ATG2A: variants seen among roughly 807,000 people sequenced by gnomAD.
ATG2A encodes autophagy-related protein 2 homolog A.
ATG2A carries 103 observed loss-of-function variants against 214.2 expected under a neutral mutation model. That is an observed-to-expected ratio of 0.48 (90% CI 0.41 to 0.57). The LOEUF is 0.57. Ranked by LOEUF, ATG2A falls within the 20% of genes least tolerant of loss-of-function variation. The pLI is 0.00. For missense variants in ATG2A, 2,312 were observed against 2,613.2 expected, an observed-to-expected ratio of 0.88 and a Z score of 2.51; for synonymous variants, 1,160 against 1,142.1, an observed-to-expected ratio of 1.02 and a Z score of -0.32.
Position 64,907,928 on chromosome 11 carries a change from T to C in ATG2A, c.2365-38A>G, listed in dbSNP as rs764754042. 5 of 1,593,270 alleles carry C rather than the reference T, an allele frequency of 3.1e-6. No homozygotes were observed. The African/African-American group carries it at 5.4e-5, about 17-fold the overall frequency. On this transcript the variant is annotated intron_variant, in intron 16 of 40. Coordinates refer to ENST00000377264, the MANE Select transcript of ATG2A (RefSeq NM_015104.3). The stretch of plus-strand genomic sequence containing the variant: ...AGGTGGAAAGAGCAGGAGAGTCATC[T>C]TAGAGACGCTGGCTGGGGCCTGTCT...
rs536998799 is a variant in ATG2A, at chr11:64,907,873, G to T, written c.2382C>A (p.Asp794Glu). ...TCTGGAACGTCCTCATCTCCTCAGG[G>T]TCTCCAGGGATCACCATCTGGACAG... ...YETEEMVIPG[D>E]PEEMRTFQSR... The change falls in exon 17 of 41, where the codon GAC becomes GAA. Residue 794 changes from aspartate (D) to glutamate (E), a missense_variant. Coordinates refer to ENST00000377264, the MANE Select transcript of ATG2A (RefSeq NM_015104.3). 6.2e-7 allele frequency: 1 copy of T among 1,612,496 alleles called. No homozygotes were observed. Among genetic ancestry groups the T allele is most frequent in the Non-Finnish European group, 8.5e-7 (1 of 1,179,786 alleles).
In ATG2A at chr11:64,895,134, C is replaced by T. The variant is rs765776372; in HGVS notation, c.5656G>A (p.Val1886Met). The T allele has an allele frequency of 3.2e-5, 51 of 1,612,948 alleles. No homozygotes were observed. Among genetic ancestry groups the T allele is most frequent in the Middle Eastern group, 3.3e-4 (2 of 6,084 alleles). The part of the protein sequence containing the change: ...GHEQKGLTGA[V>M]GGVIRQLPPT... ...GGCAGCTGGCGGATCACGCCCCCCA[C>T]GGCGCCCGTCAGCCCCTTCTGCTCA... The change falls in exon 41 of 41, where the codon GTG becomes ATG. Residue 1886 changes from valine (V) to methionine (M), a missense_variant. Physicochemically the swap from Val to Met is conservative, Grantham distance 21. Transcript: ENST00000377264. The surrounding 1 kb of genome is among the most constrained non-coding windows in gnomAD (Gnocchi z 5.0).
chr11:64,900,128 A>T (rs993616996), intron 31 of ATG2A, among the ~76,000 whole-genome samples: 3 of 151,186 alleles, frequency 2.0e-5, no homozygotes, highest in African/African-American at 4.9e-5. Flanking sequence ...GGCCTTCCAA[A>T]GTGCTGGGAT....
At position 64,895,547 on chromosome 11, in the gene ATG2A, T is replaced by C; in HGVS notation, c.5428-105A>G. 7.7e-7 allele frequency: 1 copy of C among 1,306,296 alleles called. No individual in the cohort carries two copies. Among genetic ancestry groups the C allele is most frequent in the Non-Finnish European group, 1.0e-6 (1 of 979,656 alleles). The allele number at this position is 1,306,296 out of a possible 1,614,324, so 80.9% of individuals were successfully genotyped here. On this transcript the variant is annotated intron_variant, in intron 39 of 40. Coordinates refer to ENST00000377264, the MANE Select transcript of ATG2A (RefSeq NM_015104.3). This position sits in a 1 kb window ranked among gnomAD's most constrained non-coding sequence, Gnocchi z 5.0. ...CCCACCAGCCCTCAGCCTCCCTGCC[T>C]GTCACTGTGCTGGCCTAGGGGGTCC... is the stretch of plus-strand genomic sequence containing the variant.
chr11:64,896,764 G>A lies in ATG2A; in HGVS notation c.5256C>T (p.His1752=), dbSNP rs1229309872. ...PGLLGGVGPM[H]SVVQLFQGFR... The stretch of plus-strand genomic sequence containing the variant: ...GACACTCACAGAGCTGGACAACCGA[G>A]TGCATGGGGCCCACGCCTCCCAGCA... Residue 1752 remains histidine, a synonymous_variant, in exon 38 of 41, where the codon CAC becomes CAT. Transcript: ENST00000377264. 8.7e-6 allele frequency: 14 copies of A among 1,614,228 alleles called. No individual in the cohort carries two copies. Among genetic ancestry groups the A allele is most frequent in the Non-Finnish European group, 1.2e-5 (14 of 1,180,044 alleles).
chr11:64,902,302 G>C lies in ATG2A; in HGVS notation c.3862C>G (p.Leu1288Val). 1 of 1,612,354 alleles carries C rather than the reference G, an allele frequency of 6.2e-7. No individual in the cohort carries two copies. ...INQRDLADAL[L>V]DTERSLRELA... Reference sequence around the variant, plus strand: ...TCCCGTAGGCTGCGCTCGGTGTCCAGGAGGGCGTCGGCCAGGTCACGCTGG... The same window carrying C: ...TCCCGTAGGCTGCGCTCGGTGTCCACGAGGGCGTCGGCCAGGTCACGCTGG... The change falls in exon 28 of 41, where the codon CTG (leucine) becomes GTG (valine). Residue 1288 changes from leucine to valine, a missense_variant. By Grantham distance (32) the Leu-to-Val change is conservative. Coordinates refer to ENST00000377264, the MANE Select transcript of ATG2A (RefSeq NM_015104.3).
chr11:64,904,816 T>TTATTTTATCTATCTATCTATC (rs774560438), intron 24 of ATG2A, among the ~76,000 whole-genome samples: 74 of 145,266 alleles, frequency 5.1e-4, no homozygotes, highest in South Asian at 1.7e-3. Flanking sequence ...TCTATATTTT[T>TTATTTTATCTATCTATCTATC]TATCTATCTA....
rs748058701 is a variant in ATG2A, at chr11:64,906,798, C to T, written c.2850G>A (p.Arg950=). ...LCETKDEGGK[R]LEAVHGELVL... The stretch of plus-strand genomic sequence containing the variant: ...CCAGCTCCCCGTGCACAGCCTCCAG[C>T]CGCTTCCCACCCTCATCCTGCAGAA... Residue 950 remains arginine, a synonymous_variant, in exon 20 of 41, where the codon CGG becomes CGA. Transcript: ENST00000377264. The T allele has an allele frequency of 6.2e-7, 1 of 1,613,182 alleles. No individual in the cohort carries two copies.
chr11:64,900,509 C>A lies in ATG2A; in HGVS notation c.4449G>T (p.Glu1483Asp). 3.1e-6 allele frequency: 5 copies of A among 1,613,594 alleles called. No individual in the cohort carries two copies. The highest frequency in any genetic ancestry group is 4.2e-6 in the Non-Finnish European group (5 of 1,180,026). Residue 1483 changes from glutamate to aspartate, a missense_variant, in exon 31 of 41, where the codon GAG (glutamate) becomes GAT (aspartate). Physicochemically the swap from Glu to Asp is conservative, Grantham distance 45. Transcript: ENST00000377264. ...CCCCACTCACCTTGCTCAGCTGGAT[C>A]TCCATGAGGACATGGTGCTGCCGCC... ...GSGRQHHVLM[E>D]IQLSKVSFQH... is the part of the protein sequence containing the mutation.
At chr11:64,900,155 C>A (rs1944302832) in intron 31 of ATG2A, among the ~76,000 whole-genome samples, 3 of 151,712 alleles carry the variant, frequency 2.0e-5, no homozygotes, top group Non-Finnish European at 4.4e-5. Flanking sequence ...CATAAGCCAC[C>A]ATGCCTGGCC....
rs770030093 is a variant in ATG2A, at chr11:64,898,374, G to C, written c.4672-12C>G. On this transcript the variant is annotated splice_polypyrimidine_tract_variant and intron_variant, in intron 32 of 40. Coordinates refer to ENST00000377264, the MANE Select transcript of ATG2A (RefSeq NM_015104.3). The surrounding 1 kb of genome is among the most constrained non-coding windows in gnomAD (Gnocchi z 4.5). ...GCTTTGATGGTGAGCTGGGAGCAGA[G>C]GGTGAGTTCTGGACACCTGCTGGGC... 6.3e-7 allele frequency: 1 copy of C among 1,585,522 alleles called. No individual in the cohort carries two copies. Among genetic ancestry groups the C allele is most frequent in the Admixed American group, 1.8e-5 (1 of 54,224 alleles).
At chr11:64,896,262 C>T (rs973916362) in intron 39 of ATG2A, among the ~76,000 whole-genome samples, 200 bp downstream of exon 39, 5 of 152,224 alleles carry the variant, frequency 3.3e-5, no homozygotes, top group African/African-American at 1.2e-4. Context: ...TGCATGGGAG[C>T]CCCTGTGGGC....
chr11:64,914,270 C>T (rs1274776922), intron 2 of ATG2A, 37 bp from the exon 3 acceptor site: 4 of 1,551,196 alleles, frequency 2.6e-6, no homozygotes, highest in Admixed American at 3.9e-5. Context: ...CAGGCAGGCC[C>T]AGTCAGGTCC....
chr11:64,913,859 A>G lies in ATG2A; in HGVS notation c.552T>C (p.Asp184=). 1 of 1,613,866 alleles carries G rather than the reference A, an allele frequency of 6.2e-7. No individual in the cohort carries two copies. The highest frequency in any genetic ancestry group is 8.5e-7 in the Non-Finnish European group (1 of 1,179,990). ...TVVRVEHSPG[D]GERGVAVEVR... is the part of the protein sequence containing the mutation. Reference sequence around the variant, plus strand: ...CCTCGACGGCCACACCACGTTCCCCATCACCCGGAGAGTGCTCCACCCTCA... The same window carrying G: ...CCTCGACGGCCACACCACGTTCCCCGTCACCCGGAGAGTGCTCCACCCTCA... Residue 184 remains aspartate, a synonymous_variant, in exon 4 of 41, where the codon GAT becomes GAC. Transcript: ENST00000377264. The surrounding 1 kb of genome is among the most constrained non-coding windows in gnomAD (Gnocchi z 4.3).
rs770128308 is a variant in ATG2A, at chr11:64,907,831, C to G, written c.2424G>C (p.Leu808=). 6.2e-7 allele frequency: 1 copy of G among 1,613,438 alleles called. No homozygotes were observed. Residue 808 remains leucine, a synonymous_variant, in exon 17 of 41, where the codon CTG becomes CTC. Transcript: ENST00000377264. ...MRTFQSRTLA[L]SRCSLEVILP... ...GGATCACTTCCAGGCTGCAGCGGGA[C>G]AGTGCCAGGGTCCGGCTCTGGAACG...
chr11:64,902,706 G>T (rs1387316835), intron 26 of ATG2A, 26 bp from the exon 27 acceptor site: 3 of 1,598,326 alleles, frequency 1.9e-6, no homozygotes, highest in Non-Finnish European at 2.6e-6. Flanking sequence ...GGGGGGAGCA[G>T]CTATGTGAAC....
rs774560438 is a variant in ATG2A, at chr11:64,904,816, T to TTATTTTATCTATCTATC, written c.3464+746_3464+747insGATAGATAGATAAAATA. The stretch of plus-strand genomic sequence containing the variant: ...GTACTGTGGCATCTTTCTATATTTT[T>TTATTTTATCTATCTATC]TATCTATCTATCTATCTATCTATCT... On this transcript the variant is annotated intron_variant, in intron 24 of 40. Coordinates refer to ENST00000377264, the MANE Select transcript of ATG2A (RefSeq NM_015104.3). Among the ~76,000 whole-genome samples, 734 of 145,254 alleles carry TTATTTTATCTATCTATC rather than the reference T, an allele frequency of 5.1e-3. 4 individuals carry two copies. The highest frequency in any genetic ancestry group is 7.3e-3 in the South Asian group (34 of 4,664).
In ATG2A at chr11:64,894,995, C is replaced by A. The variant is rs369764531; in HGVS notation, c.5795G>T (p.Arg1932Leu). The part of the protein sequence containing the change: ...DAHKDHALKW[R>L]SDSAQD Reference sequence around the variant, plus strand: ...GGCTCAGTCTTGGGCACTGTCCGAGCGCCACTTGAGGGCGTGGTCCTTGTG... The same window carrying A: ...GGCTCAGTCTTGGGCACTGTCCGAGAGCCACTTGAGGGCGTGGTCCTTGTG... Residue 1932 changes from arginine to leucine, a missense_variant, in exon 41 of 41, where the codon CGC becomes CTC. Transcript: ENST00000377264. 3.1e-6 allele frequency: 5 copies of A among 1,612,158 alleles called. No homozygotes were observed. In the African/African-American group the frequency reaches 4.0e-5, roughly 13 times the overall value.
intron 1 of ATG2A, among the ~76,000 whole-genome samples, chr11:64,916,450 T>C (rs751005416): frequency 2.0e-5 from 3 of 152,182 alleles, no homozygotes; most frequent in Non-Finnish European, 4.4e-5. Context: ...GACGCGGTTG[T>C]TGACATACAC....
Sources: gnomAD v4.1 joint callset for allele counts (sites outside exome capture counted in the v4.1 genomes callset) on GRCh38, gnomAD v4.1.1 for gene constraint, Gnocchi (gnomAD v3.1) non-coding constraint, MANE v1.5 for transcripts, NCBI Gene and HGNC (gene_info 2026-07-23, HGNC 2026-07-21) for gene names.